KCNK2: variants seen among roughly 807,000 people sequenced by gnomAD.
KCNK2 encodes the protein potassium two pore domain channel subfamily K member 2.
Under a neutral mutation model 40.5 loss-of-function variants are expected in KCNK2, and 21 were observed. That is an observed-to-expected ratio of 0.52 (90% confidence interval 0.37 to 0.75). The LOEUF (loss-of-function observed/expected upper bound fraction) is 0.75, where lower values mean the gene tolerates loss of function less well. Among genes scored for constraint, KCNK2 ranks in the 30% least tolerant of loss-of-function variants. The pLI is 0.00. For synonymous variants in KCNK2, 191 were observed against 202.2 expected, an observed-to-expected ratio of 0.94 and a Z score of 0.47; for missense variants, 399 against 531.6, an observed-to-expected ratio of 0.75 and a Z score of 2.45.
chr1:215,074,975 T>A (rs1658877196), intron 1 of KCNK2, among the ~76,000 whole-genome samples: 1 of 152,236 alleles, frequency 6.6e-6, no homozygotes. Context: ...TTTATTATAA[T>A]GCCCTTATTC....
At chr1:215,150,253 G>T (rs1662626538) in intron 3 of KCNK2, among the ~76,000 whole-genome samples, 1 of 152,150 alleles carries the variant, frequency 6.6e-6, no homozygotes, top group African/African-American at 2.4e-5. Flanking sequence ...TTTGAAGCAA[G>T]GAAAGTAACA....
At chr1:215,098,646 T>C (rs1481356960) in intron 2 of KCNK2, among the ~76,000 whole-genome samples, 2 of 152,008 alleles carry the variant, frequency 1.3e-5, no homozygotes, top group Non-Finnish European at 2.9e-5. Context: ...TTATTTTATC[T>C]ACATTTTTTA....
chr1:215,068,421 AG>A (rs1658634287), intron 1 of KCNK2, among the ~76,000 whole-genome samples: 1 of 152,206 alleles, frequency 6.6e-6, no homozygotes, highest in Non-Finnish European at 1.5e-5. Flanking sequence ...ATTACCAAGA[AG>A]GTTGGCAAGG....
chr1:215,011,925 A>G (rs966230786), intron 1 of KCNK2, among the ~76,000 whole-genome samples: 2 of 151,644 alleles, frequency 1.3e-5, no homozygotes, highest in Non-Finnish European at 2.9e-5. Context: ...ATTTTTTTTC[A>G]CTTAGAGGAA....
chr1:215,043,966 A>C (rs1232380188), intron 1 of KCNK2, among the ~76,000 whole-genome samples: 1 of 152,206 alleles, frequency 6.6e-6, no homozygotes, highest in Non-Finnish European at 1.5e-5. Context: ...GAGAAAAGAT[A>C]GATGTATAAT....
At chr1:215,186,237 T>C (rs1012512581) in intron 5 of KCNK2, among the ~76,000 whole-genome samples, 2 of 152,114 alleles carry the variant, frequency 1.3e-5, no homozygotes, top group Admixed American at 6.6e-5. Context: ...AGTGAGACTC[T>C]TGTCTCTACA....
At chr1:215,154,527 GGTTGCTTGTTC>G (rs1662827651) in intron 3 of KCNK2, among the ~76,000 whole-genome samples, 1 of 151,890 alleles carries the variant, frequency 6.6e-6, no homozygotes, top group Admixed American at 6.6e-5. Context: ...CCATTCTGTA[GGTTGCTTGTTC>G]ACTCTGATGA....
intron 2 of KCNK2, among the ~76,000 whole-genome samples, chr1:215,091,622 G>A (rs1484641767): frequency 1.3e-5 from 2 of 152,146 alleles, no homozygotes; most frequent in East Asian, 1.9e-4. Flanking sequence ...TGTACCATCC[G>A]TGAGTTTACA....
chr1:215,157,891 C>T (rs2102620380), intron 3 of KCNK2, among the ~76,000 whole-genome samples: 1 of 152,246 alleles, frequency 6.6e-6, no homozygotes, highest in Non-Finnish European at 1.5e-5. Context: ...AGTCTACTTT[C>T]ATTGTACACA....
intron 6 of KCNK2, among the ~76,000 whole-genome samples, chr1:215,211,615 A>G (rs1415408269): frequency 2.0e-5 from 3 of 152,202 alleles, no homozygotes; most frequent in African/African-American, 7.2e-5. Context: ...GCTTTATCAA[A>G]ATCAAGTGAC....
At chr1:215,172,720 G>A (rs10779652) in intron 5 of KCNK2, among the ~76,000 whole-genome samples, 107,141 of 151,912 alleles carry the variant, frequency 0.71, 38,144 homozygotes, top group Non-Finnish European at 0.73. Context: ...GCACTGGCAC[G>A]ATATTGGCTC....
Position 215,010,721 on chromosome 1 carries a change from A to AAG in KCNK2, c.34+4769_34+4770dup, listed in dbSNP as rs1454238731. Reference sequence around the variant, plus strand: ...AGCAACTTTTCATACCTTGGCTTTCAAGAGTTCTGAGTAGTGTGAGCCTGA... The same window carrying AAG: ...AGCAACTTTTCATACCTTGGCTTTCAAGAGAGTTCTGAGTAGTGTGAGCCTGA... On this transcript the variant is annotated intron_variant, in intron 1 of 6. Transcript: ENST00000391895. 3.9e-5 allele frequency among the ~76,000 whole-genome samples: 6 copies of AAG among 152,286 alleles called. No individual in the cohort carries two copies. The East Asian group carries it at 1.2e-3, about 29-fold the overall frequency.
chr1:215,187,037 G>A (rs113656050), intron 5 of KCNK2, among the ~76,000 whole-genome samples: 14 of 152,010 alleles, frequency 9.2e-5, no homozygotes, highest in African/African-American at 1.2e-4. Flanking sequence ...TGGTGTGATC[G>A]TGGCTCACTG....
At chr1:215,103,926 T>C (rs1660325823) in intron 2 of KCNK2, among the ~76,000 whole-genome samples, 1 of 152,012 alleles carries the variant, frequency 6.6e-6, no homozygotes, top group Non-Finnish European at 1.5e-5. Context: ...AGGAACCTAC[T>C]GAGATTCCTT....
intron 6 of KCNK2, among the ~76,000 whole-genome samples, chr1:215,227,228 T>G (rs1414635635): frequency 1.3e-5 from 2 of 152,212 alleles, no homozygotes; most frequent in African/African-American, 2.4e-5. Context: ...TAGTAAGTTG[T>G]GTTGAGCAGT....
intron 1 of KCNK2, among the ~76,000 whole-genome samples, chr1:215,015,640 T>C (rs529794567): frequency 6.6e-6 from 1 of 152,136 alleles, no homozygotes; most frequent in Non-Finnish European, 1.5e-5. Flanking sequence ...CCCATGGAGC[T>C]TCAATTCTTT....
chr1:215,124,891 G>A (rs1401181253), intron 3 of KCNK2, 141 bp downstream of exon 3: 5 of 640,740 alleles, frequency 7.8e-6, no homozygotes, highest in South Asian at 7.6e-5. Context: ...TTTTGAAAAG[G>A]GGATTTAAAG....
chr1:215,037,343 A>G (rs1657423169), intron 1 of KCNK2, among the ~76,000 whole-genome samples: 1 of 151,906 alleles, frequency 6.6e-6, no homozygotes, highest in Non-Finnish European at 1.5e-5. Flanking sequence ...ATAGATTTTC[A>G]AATGTTAAGC....
rs534756428 is a variant in KCNK2, at chr1:215,014,615, G to C, written c.34+8660G>C. 2.9e-4 allele frequency among the ~76,000 whole-genome samples: 44 copies of C among 151,900 alleles called. 1 individual carries two copies. Among genetic ancestry groups the C allele is most frequent in the Non-Finnish European group, 1.3e-4 (9 of 67,960 alleles). Reference sequence around the variant, plus strand: ...TAATTGATCAAGTTTAATGAACTAGGCTCAAAAAATTGATTGTTTATCATG... The same window carrying C: ...TAATTGATCAAGTTTAATGAACTAGCCTCAAAAAATTGATTGTTTATCATG... On this transcript the variant is annotated intron_variant, in intron 1 of 6. Transcript: ENST00000391895.
Sources: gnomAD v4.1 joint callset for allele counts (sites outside exome capture counted in the v4.1 genomes callset) on GRCh38, gnomAD v4.1.1 for gene constraint, MANE v1.5 for transcripts, NCBI Gene and HGNC (gene_info 2026-07-23, HGNC 2026-07-21) for gene names.